ADD3: variants seen among roughly 807,000 people sequenced by gnomAD.
ADD3 encodes the protein gamma-adducin.
Under a neutral mutation model 80.2 loss-of-function variants are expected in ADD3, and 25 were observed. The observed-to-expected ratio is 0.31, with a 90% CI of 0.23 to 0.44. The LOEUF (loss-of-function observed/expected upper bound fraction) is 0.44, where lower values mean the gene tolerates loss of function less well. Ranked by LOEUF, ADD3 falls within the 20% of genes least tolerant of loss-of-function variation. The probability of loss-of-function intolerance (pLI) is 1.00; values close to 1 mark genes in which losing one functional copy is unlikely to be tolerated. For synonymous variants in ADD3, 284 were observed against 289.6 expected (o/e 0.98, Z 0.20); for missense variants, 829 against 847.5 (o/e 0.98, Z 0.27).
At chr10:110,084,160 A>C (rs1016951789) in intron 1 of ADD3, among the ~76,000 whole-genome samples, 1 of 152,194 alleles carries the variant, frequency 6.6e-6, no homozygotes. Flanking sequence ...TGGGCACAAA[A>C]AGCTGAGTCA....
chr10:110,025,951 G>C (rs1174498630), intron 1 of ADD3, among the ~76,000 whole-genome samples: 1 of 152,008 alleles, frequency 6.6e-6, no homozygotes, highest in Non-Finnish European at 1.5e-5. Context: ...CATCGAATTT[G>C]GGAAAGTTTT....
intron 5 of ADD3, among the ~76,000 whole-genome samples, 164 bp downstream of exon 5, chr10:110,117,586 G>A (rs1850898139): frequency 6.6e-6 from 1 of 151,966 alleles, no homozygotes; most frequent in South Asian, 2.1e-4. Flanking sequence ...AAAAGCTTTA[G>A]AGAATAGCGT....
chr10:110,007,337 G>A (rs1007263198), upstream of ADD3, among the ~76,000 whole-genome samples: 1 of 152,304 alleles, frequency 6.6e-6, no homozygotes, highest in Non-Finnish European at 1.5e-5. Context: ...AGGCGCCCGC[G>A]AAGGCAGCTG....
intron 1 of ADD3, among the ~76,000 whole-genome samples, chr10:109,998,605 C>A (rs2133665685): frequency 6.6e-6 from 1 of 152,336 alleles, no homozygotes; most frequent in Non-Finnish European, 1.5e-5. Flanking sequence ...ATCTGCCAGA[C>A]CCACATGATC....
intron 1 of ADD3, among the ~76,000 whole-genome samples, chr10:110,030,897 A>G (rs2133189408): frequency 6.6e-6 from 1 of 151,784 alleles, no homozygotes; most frequent in African/African-American, 2.4e-5. Flanking sequence ...ATGAAGTTTA[A>G]AAAACGAAAC....
At chr10:110,052,714 T>C (rs1022972895) in intron 1 of ADD3, among the ~76,000 whole-genome samples, 2 of 152,220 alleles carry the variant, frequency 1.3e-5, no homozygotes, top group African/African-American at 2.4e-5. Context: ...AAATAGCTTA[T>C]ATCAAAAATG....
chr10:110,085,145 T>C (rs1846557899), intron 1 of ADD3, among the ~76,000 whole-genome samples: 1 of 152,192 alleles, frequency 6.6e-6, no homozygotes, highest in South Asian at 2.1e-4. Flanking sequence ...TTAGAATTCT[T>C]GTTCATATCA....
intron 1 of ADD3, among the ~76,000 whole-genome samples, chr10:110,020,612 C>A (rs926210220): frequency 6.6e-6 from 1 of 152,082 alleles, no homozygotes; most frequent in African/African-American, 2.4e-5. Context: ...AGGTGTGGCA[C>A]CGTCTGACAG....
intron 1 of ADD3, among the ~76,000 whole-genome samples, chr10:110,035,469 G>A (rs1266474652): frequency 2.0e-5 from 3 of 152,182 alleles, no homozygotes; most frequent in Admixed American, 6.5e-5. Context: ...AGGAAGCGAA[G>A]CAACTTCCCA....
At chr10:110,133,215 T>C (rs975035073) in intron 14 of ADD3, 111 bp from the exon 15 acceptor site, 21 of 1,070,534 alleles carry the variant, frequency 2.0e-5, no homozygotes, top group Non-Finnish European at 2.2e-5. Flanking sequence ...TCTGTCTTCA[T>C]TGGAATCAAA....
chr10:110,027,236 A>G (rs1854419639), intron 1 of ADD3, among the ~76,000 whole-genome samples: 1 of 152,170 alleles, frequency 6.6e-6, no homozygotes, highest in African/African-American at 2.4e-5. Flanking sequence ...CTTTTAAGAG[A>G]AAATCTAGTG....
chr10:110,040,981 TCTCTC>T (rs2133293294), intron 1 of ADD3, among the ~76,000 whole-genome samples: 1 of 130,006 alleles, frequency 7.7e-6, no homozygotes, highest in African/African-American at 2.6e-5. Context: ...TCTCTCTCTC[TCTCTC>T]CGTGTGTCTG....
chr10:110,002,426 C>A (rs569377907), upstream of ADD3, among the ~76,000 whole-genome samples: 170 of 152,060 alleles, frequency 1.1e-3, 1 homozygote, highest in Non-Finnish European at 1.5e-4. Flanking sequence ...GGCTCCCGCC[C>A]CCCACACCGG....
chr10:110,013,033 G>A (rs532494695), intron 1 of ADD3, among the ~76,000 whole-genome samples: 1 of 151,952 alleles, frequency 6.6e-6, no homozygotes, highest in Non-Finnish European at 1.5e-5. Flanking sequence ...GTTTGTATAC[G>A]GTACATAAAC....
At position 110,132,361 on chromosome 10, in the gene ADD3, C is replaced by G. The variant is rs1447785817; in HGVS notation, c.1789C>G (p.Gln597Glu). The G allele has an allele frequency of 1.2e-6, 2 of 1,613,800 alleles. No homozygotes were observed. The highest frequency in any genetic ancestry group is 2.7e-5 in the African/African-American group (2 of 74,920). Residue 597 changes from glutamine (Q) to glutamate (E), a missense_variant, in exon 14 of 15, where the codon CAA (glutamine) becomes GAA (glutamate). Transcript: ENST00000356080. ...DASSVSQIQSQTQSPQNVPEK... is the reference protein window; with the variant it reads ...DASSVSQIQSETQSPQNVPEK... The stretch of plus-strand genomic sequence containing the variant: ...TTCATCTGTTTCACAAATTCAGTCT[C>G]AAACTCAGTCACCGCAAAATGTCCC...
At chr10:110,066,322 G>A (rs747272921) in intron 1 of ADD3, among the ~76,000 whole-genome samples, 28 of 152,030 alleles carry the variant, frequency 1.8e-4, no homozygotes, top group Admixed American at 5.2e-4. Flanking sequence ...TCACTGCAAC[G>A]TCTGCCTCCG....
chr10:110,007,127 G>A (rs1250403720), upstream of ADD3, among the ~76,000 whole-genome samples: 1 of 152,208 alleles, frequency 6.6e-6, no homozygotes, highest in Non-Finnish European at 1.5e-5. Context: ...ATTGCGTGTT[G>A]CAAAGTTTGC....
chr10:110,015,596 G>A (rs1425895593), intron 1 of ADD3, among the ~76,000 whole-genome samples: 3 of 151,848 alleles, frequency 2.0e-5, no homozygotes, highest in African/African-American at 4.8e-5. Context: ...GGATGGTCTC[G>A]ATCTCCTGAC....
intron 1 of ADD3, among the ~76,000 whole-genome samples, chr10:110,096,597 G>T (rs1052018856): frequency 6.6e-6 from 1 of 152,108 alleles, no homozygotes; most frequent in African/African-American, 2.4e-5. Flanking sequence ...TAGCTGGGGG[G>T]GGTCTGCTGG....
Sources: allele counts gnomAD v4.1 joint callset (sites outside exome capture counted in the v4.1 genomes callset), GRCh38; gene constraint gnomAD v4.1.1; transcripts MANE v1.5; gene names NCBI Gene and HGNC (gene_info 2026-07-23, HGNC 2026-07-21).